The following CDH12 variants were observed in gnomAD, a reference collection of about 807,000 sequenced individuals.
CDH12 encodes cadherin 12.
CDH12 carries 41 observed loss-of-function variants against 74.1 expected under a neutral mutation model. The ratio of observed to expected loss-of-function variants is 0.55; its 90% confidence interval spans 0.43 to 0.72. The LOEUF (loss-of-function observed/expected upper bound fraction) is 0.72, where lower values mean the gene tolerates loss of function less well. Among genes scored for constraint, CDH12 ranks in the 30% least tolerant of loss-of-function variants. The pLI, the probability that CDH12 is intolerant of heterozygous loss-of-function variation, is 0.00. For synonymous variants in CDH12, 399 were observed against 355.0 expected (o/e 1.12, Z -1.39); for missense variants, 945 against 977.2 (o/e 0.97, Z 0.44).
intron 1 of CDH12, among the ~76,000 whole-genome samples, chr5:22,695,378 T>C (rs1742307591): frequency 6.6e-6 from 1 of 152,068 alleles, no homozygotes; most frequent in Non-Finnish European, 1.5e-5. Context: ...GATTGCTGGG[T>C]CAAATGTTAT....
chr5:22,638,220 G>A (rs934726920), intron 1 of CDH12, among the ~76,000 whole-genome samples: 3 of 152,114 alleles, frequency 2.0e-5, no homozygotes, highest in Non-Finnish European at 4.4e-5. Flanking sequence ...GGATCACAAG[G>A]TGAAGTCCCA....
At chr5:22,031,576 C>A (rs1580141121) in intron 5 of CDH12, among the ~76,000 whole-genome samples, 1 of 152,134 alleles carries the variant, frequency 6.6e-6, no homozygotes, top group Non-Finnish European at 1.5e-5. Flanking sequence ...AATGTGGCTT[C>A]CTCACTCAGC....
intron 6 of CDH12, among the ~76,000 whole-genome samples, chr5:21,943,392 A>AT (rs1490856410): frequency 6.6e-6 from 1 of 152,200 alleles, no homozygotes; most frequent in Non-Finnish European, 1.5e-5. Flanking sequence ...AATTACATAC[A>AT]TTTTAGATCT....
intron 1 of CDH12, among the ~76,000 whole-genome samples, chr5:22,715,738 T>C (rs1580919524): frequency 6.7e-6 from 1 of 149,218 alleles, no homozygotes; most frequent in Admixed American, 6.7e-5. Context: ...GAGGCAGAGG[T>C]TGTAGTGAAC....
At chr5:22,837,993 A>C (rs1049180758) in intron 1 of CDH12, among the ~76,000 whole-genome samples, 12 of 152,188 alleles carry the variant, frequency 7.9e-5, no homozygotes, top group African/African-American at 2.9e-4. Flanking sequence ...ATTGACCAGA[A>C]ATGCAATTTC....
At chr5:22,745,754 G>A (rs973493777) in intron 1 of CDH12, among the ~76,000 whole-genome samples, 1 of 152,080 alleles carries the variant, frequency 6.6e-6, no homozygotes, top group Non-Finnish European at 1.5e-5. Flanking sequence ...ATCCACTGGG[G>A]CCTTTTGGAG....
intron 4 of CDH12, among the ~76,000 whole-genome samples, chr5:22,195,186 G>C (rs185996114): frequency 6.6e-6 from 1 of 152,194 alleles, no homozygotes; most frequent in Admixed American, 6.5e-5. Flanking sequence ...ATCAGTGACA[G>C]GGCAATGTCA....
chr5:22,724,801 T>G (rs1048130907), intron 1 of CDH12, among the ~76,000 whole-genome samples: 1 of 151,928 alleles, frequency 6.6e-6, no homozygotes, highest in Non-Finnish European at 1.5e-5. Context: ...TTGTTTCCAC[T>G]TTCTTGCTAT....
chr5:22,530,033 T>C (rs775724647), intron 1 of CDH12, among the ~76,000 whole-genome samples: 7 of 152,194 alleles, frequency 4.6e-5, no homozygotes, highest in Non-Finnish European at 7.3e-5. Flanking sequence ...ACATCTACTG[T>C]AATCATTGAA....
intron 1 of CDH12, among the ~76,000 whole-genome samples, chr5:22,847,665 T>C (rs1446766769): frequency 6.6e-6 from 1 of 152,176 alleles, no homozygotes; most frequent in Non-Finnish European, 1.5e-5. Context: ...TTCCTAATAA[T>C]CCTTTTTTGA....
rs186258147 is a variant in CDH12 at position 22,008,679 on chromosome 5, A to G, written c.232-33294T>C. Among the ~76,000 whole-genome samples the G allele has an allele frequency of 9.8e-3, 1,486 of 152,246 alleles. 10 individuals carry two copies. The highest frequency in any genetic ancestry group is 0.016 in the Non-Finnish European group (1,091 of 68,012). ...ATAGTTTTGTTGGGAACTCATTTCC[A>G]TAGAACTTTATCTGAGGGAATATTT... On this transcript the variant is annotated intron_variant, in intron 5 of 14. Transcript: ENST00000382254.
intron 1 of CDH12, among the ~76,000 whole-genome samples, chr5:22,576,340 A>G (rs1374555489): frequency 6.6e-6 from 1 of 152,142 alleles, no homozygotes; most frequent in Admixed American, 6.6e-5. Flanking sequence ...CCCTGTCCAG[A>G]GAGGAAAAGA....
intron 2 of CDH12, among the ~76,000 whole-genome samples, chr5:22,496,794 C>G (rs1481808335): frequency 1.3e-5 from 2 of 152,096 alleles, no homozygotes; most frequent in Non-Finnish European, 2.9e-5. Flanking sequence ...TTGTCTTCAC[C>G]CTACACTGAC....
chr5:21,924,447 C>T (rs759789169), intron 6 of CDH12, among the ~76,000 whole-genome samples: 3 of 151,974 alleles, frequency 2.0e-5, no homozygotes, highest in Non-Finnish European at 2.9e-5. Context: ...ACTCAGGAGG[C>T]GGAGGTTGCA....
intron 3 of CDH12, among the ~76,000 whole-genome samples, chr5:22,301,927 C>T (rs1737900416): frequency 6.6e-6 from 1 of 151,592 alleles, no homozygotes; most frequent in Admixed American, 6.6e-5. Flanking sequence ...CTTCAGCCTC[C>T]CAAATTGCTA....
At chr5:22,477,750 C>T (rs887098792) in intron 2 of CDH12, among the ~76,000 whole-genome samples, 4 of 152,088 alleles carry the variant, frequency 2.6e-5, no homozygotes, top group African/African-American at 9.7e-5. Flanking sequence ...CAATGAAAAG[C>T]GGCCAACAAC....
intron 1 of CDH12, among the ~76,000 whole-genome samples, chr5:22,821,536 G>T (rs1047650549): frequency 2.2e-4 from 34 of 152,154 alleles, no homozygotes; most frequent in African/African-American, 7.7e-4. Flanking sequence ...CTCCAGCAAA[G>T]TCTCAGGATA....
At chr5:22,096,424 C>T (rs2150244436) in intron 4 of CDH12, among the ~76,000 whole-genome samples, 1 of 152,190 alleles carries the variant, frequency 6.6e-6, no homozygotes, top group Middle Eastern at 3.4e-3. Context: ...CCCTCAGTCC[C>T]AACCCCAAGT....
At chr5:21,825,798 G>A (rs1305217292) in intron 8 of CDH12, among the ~76,000 whole-genome samples, 1 of 152,110 alleles carries the variant, frequency 6.6e-6, no homozygotes, top group African/African-American at 2.4e-5. Context: ...CTACAATTAC[G>A]GTTTTCTGGC....
Sources: gnomAD v4.1 joint callset for allele counts (sites outside exome capture counted in the v4.1 genomes callset) on GRCh38, gnomAD v4.1.1 for gene constraint, MANE v1.5 for transcripts, NCBI Gene and HGNC (gene_info 2026-07-23, HGNC 2026-07-21) for gene names.